The following AOPEP variants were observed in gnomAD, a reference collection of about 807,000 sequenced individuals.
AOPEP encodes aminopeptidase O (putative), also known as aminopeptidase O.
Under a neutral mutation model 98.1 loss-of-function variants are expected in AOPEP, and 77 were observed. That is an observed-to-expected ratio of 0.78 (90% CI 0.65 to 0.95). The LOEUF (loss-of-function observed/expected upper bound fraction) is 0.95. Ranked by LOEUF, AOPEP falls within the 40% of genes least tolerant of loss-of-function variation. The pLI is 0.00. For missense variants in AOPEP, 1,024 were observed against 1,024.7 expected, an observed-to-expected ratio of 1.00 and a Z score of 0.01; for synonymous variants, 346 against 365.3, an observed-to-expected ratio of 0.95 and a Z score of 0.60.
intron 5 of AOPEP, among the ~76,000 whole-genome samples, chr9:94,917,649 A>G (rs550173260): frequency 2.0e-5 from 3 of 152,302 alleles, no homozygotes; most frequent in Admixed American, 6.5e-5. Flanking sequence ...TCCCTGACGT[A>G]GCTGCCCACT....
the AOPEP span, among the ~76,000 whole-genome samples, chr9:95,146,487 CAAAAA>C: frequency 8.8e-5 from 4 of 45,574 alleles, no homozygotes; most frequent in South Asian, 3.1e-3. Context: ...GACCCCATCT[CAAAAA>C]AAAAAAAAAA....
At chr9:94,955,834 G>T in intron 8 of AOPEP, 74 bp from the exon 9 acceptor site, 1 of 1,000,022 alleles carries the variant, frequency 1.0e-6, no homozygotes, top group South Asian at 1.4e-5. Flanking sequence ...GGGTTAGGTA[G>T]GGCTGACTAT....
chr9:94,731,960 T>A (rs1400125457), intron 1 of AOPEP, among the ~76,000 whole-genome samples: 1 of 152,042 alleles, frequency 6.6e-6, no homozygotes, highest in Non-Finnish European at 1.5e-5. Context: ...AATTTTTGTA[T>A]TTTTAGTAGA....
rs544400262 is a variant in AOPEP at position 95,076,493 on chromosome 9, C to T, written c.2233-4201C>T. On this transcript the variant is annotated intron_variant, in intron 14 of 16. Coordinates refer to ENST00000375315, the MANE Select transcript of AOPEP (RefSeq NM_001193329.3). ...GCATTATTTGTAGTATCATAGACTA[C>T]CCTGCAACCATTAATACAAGGAATG... Among the ~76,000 whole-genome samples the T allele has an allele frequency of 2.4e-4, 36 of 152,310 alleles. No individual in the cohort carries two copies. The South Asian group carries it at 7.5e-3, about 32-fold the overall frequency.
the AOPEP span, chr9:95,107,343 G>A: frequency 4.7e-6 from 7 of 1,502,008 alleles, no homozygotes; most frequent in African/African-American, 9.7e-5. Flanking sequence ...TTATTTATTT[G>A]CTTTGAAACA....
At chr9:95,142,790 G>A in the AOPEP span, among the ~76,000 whole-genome samples, 10 of 152,278 alleles carry the variant, frequency 6.6e-5, no homozygotes, top group Admixed American at 4.6e-4. Flanking sequence ...AGTGGTCAGA[G>A]ACTCGTATGT....
intron 14 of AOPEP, among the ~76,000 whole-genome samples, chr9:95,061,922 T>A (rs987590710): frequency 6.6e-6 from 1 of 152,246 alleles, no homozygotes; most frequent in African/African-American, 2.4e-5. Flanking sequence ...CAGACTGTTA[T>A]TTTTAATTAG....
chr9:95,092,896 C>A, the AOPEP span, among the ~76,000 whole-genome samples: 2 of 152,178 alleles, frequency 1.3e-5, no homozygotes, highest in Admixed American at 6.5e-5. Flanking sequence ...ACTCTTCACC[C>A]GTGATCCCTG....
intron 3 of AOPEP, among the ~76,000 whole-genome samples, chr9:94,780,830 T>C (rs1843087697): frequency 6.6e-6 from 1 of 152,152 alleles, no homozygotes; most frequent in Non-Finnish European, 1.5e-5. Flanking sequence ...ACAGTTTCCA[T>C]CACAGTGACA....
intron 5 of AOPEP, among the ~76,000 whole-genome samples, chr9:94,884,926 G>T (rs909331967): frequency 6.7e-6 from 1 of 150,156 alleles, no homozygotes; most frequent in South Asian, 2.1e-4. Context: ...GGAGAATGGC[G>T]TGAACCCGGG....
intron 5 of AOPEP, among the ~76,000 whole-genome samples, chr9:94,872,882 G>A (rs944844120): frequency 2.0e-5 from 3 of 152,184 alleles, no homozygotes; most frequent in African/African-American, 7.2e-5. Context: ...GTCACGGGAG[G>A]CATCCAGAGA....
At chr9:94,951,119 C>A (rs2058073173) in intron 7 of AOPEP, among the ~76,000 whole-genome samples, 1 of 152,242 alleles carries the variant, frequency 6.6e-6, no homozygotes, top group Admixed American at 6.5e-5. Context: ...CATTTGAGCT[C>A]AGATGACCTT....
chr9:95,092,215 T>C, the AOPEP span, among the ~76,000 whole-genome samples: 2 of 152,062 alleles, frequency 1.3e-5, no homozygotes, highest in African/African-American at 4.8e-5. Context: ...GCGGTGTTTG[T>C]TGAGATAAAA....
In AOPEP at chr9:94,930,059, G is replaced by T. The variant is rs1053184397; in HGVS notation, c.1661+1528G>T. Among the ~76,000 whole-genome samples, 6 of 152,218 alleles carry T rather than the reference G, an allele frequency of 3.9e-5. No individual in the cohort carries two copies. The highest frequency in any genetic ancestry group is 7.2e-5 in the African/African-American group (3 of 41,450). ...AGGACCTTCAGCAGGAAGGTGGTATGATCTGCTCAGTATTTGGACGGTGCT... is the reference window on the plus strand; with the variant it reads ...AGGACCTTCAGCAGGAAGGTGGTATTATCTGCTCAGTATTTGGACGGTGCT... On this transcript the variant is annotated intron_variant, in intron 7 of 16. Transcript: ENST00000375315. The surrounding 1 kb of genome is among the most constrained non-coding windows in gnomAD (Gnocchi z 4.5).
chr9:95,114,941 T>A, the AOPEP span, among the ~76,000 whole-genome samples: 26 of 152,118 alleles, frequency 1.7e-4, no homozygotes, highest in Non-Finnish European at 3.2e-4. Flanking sequence ...AATCTTTTAA[T>A]TTTAGTTTTG....
At chr9:95,027,071 G>C (rs1185660451) in intron 13 of AOPEP, among the ~76,000 whole-genome samples, 1 of 152,008 alleles carries the variant, frequency 6.6e-6, no homozygotes, top group Admixed American at 6.5e-5. Context: ...GACCAGCCTG[G>C]GCAACATGGC....
At chr9:94,840,479 G>A (rs1407357182) in intron 5 of AOPEP, among the ~76,000 whole-genome samples, 3 of 152,172 alleles carry the variant, frequency 2.0e-5, no homozygotes, top group Non-Finnish European at 4.4e-5. Flanking sequence ...CTCTTGACTG[G>A]TGTTAATATC....
At chr9:94,803,906 G>C (rs1460182954) in intron 5 of AOPEP, among the ~76,000 whole-genome samples, 1 of 152,186 alleles carries the variant, frequency 6.6e-6, no homozygotes, top group African/African-American at 2.4e-5. Context: ...CTTCCATGAA[G>C]ACTGAATCTG....
At chr9:94,751,136 T>C (rs1426367434) in intron 1 of AOPEP, among the ~76,000 whole-genome samples, 1 of 152,130 alleles carries the variant, frequency 6.6e-6, no homozygotes, top group Non-Finnish European at 1.5e-5. Flanking sequence ...GGGCTTTCTC[T>C]CCGGTGGAAA....
Sources: gnomAD v4.1 joint callset for allele counts (sites outside exome capture counted in the v4.1 genomes callset) on GRCh38, gnomAD v4.1.1 for gene constraint, Gnocchi (gnomAD v3.1) non-coding constraint, MANE v1.5 for transcripts, NCBI Gene and HGNC (gene_info 2026-07-23, HGNC 2026-07-21) for gene names.